Variants in NHSL1 observed in about 807,000 individuals in gnomAD.
The protein encoded by NHSL1 is NHS like 1, also known as NHS-like protein 1.
Under a neutral mutation model 95.0 loss-of-function variants are expected in NHSL1, and 48 were observed. That is an observed-to-expected ratio of 0.51 (90% confidence interval 0.40 to 0.64). NHSL1 has a LOEUF of 0.64. NHSL1 is among the 30% of genes least tolerant of loss of function. The pLI is 0.00. For synonymous variants in NHSL1, 783 were observed against 833.9 expected (o/e 0.94, Z 1.05); for missense variants, 1,971 against 2,077.7 (o/e 0.95, Z 1.00).
intron 1 of NHSL1, among the ~76,000 whole-genome samples, chr6:138,626,103 C>T (rs1784733813): frequency 6.6e-6 from 1 of 152,238 alleles, no homozygotes; most frequent in African/African-American, 2.4e-5. Flanking sequence ...AGGCAGAAGG[C>T]TGTCTCTGGA....
chr6:138,609,468 C>T (rs946188577), intron 1 of NHSL1, among the ~76,000 whole-genome samples: 8 of 152,028 alleles, frequency 5.3e-5, no homozygotes, highest in Middle Eastern at 6.8e-3. Context: ...TAGTGCTATC[C>T]GGCCGGGCGC....
At chr6:138,473,209 A>C in intron 3 of NHSL1, 97 bp downstream of exon 3, 1 of 1,095,542 alleles carries the variant, frequency 9.1e-7, no homozygotes. Context: ...ATTGATTAAA[A>C]TACAGGCTCA....
intron 5 of NHSL1, among the ~76,000 whole-genome samples, chr6:138,441,508 T>C (rs558900338): frequency 6.6e-6 from 1 of 152,384 alleles, no homozygotes; most frequent in East Asian, 1.9e-4. Flanking sequence ...GACTATTTTC[T>C]ATCTTATTGA....
intron 1 of NHSL1, among the ~76,000 whole-genome samples, chr6:138,523,083 G>T (rs1282459109): frequency 6.8e-6 from 1 of 147,630 alleles, no homozygotes; most frequent in African/African-American, 2.5e-5. Context: ...TCAACTAACT[G>T]GCTTGGTGCA....
intron 1 of NHSL1, among the ~76,000 whole-genome samples, chr6:138,516,636 C>A (rs1310074673): frequency 6.6e-6 from 1 of 151,846 alleles, no homozygotes; most frequent in African/African-American, 2.4e-5. Context: ...ATAGGCAATT[C>A]GTGTTTTTGT....
chr6:138,472,015 C>T (rs923324418), intron 3 of NHSL1, among the ~76,000 whole-genome samples: 4 of 152,030 alleles, frequency 2.6e-5, no homozygotes, highest in Non-Finnish European at 5.9e-5. Flanking sequence ...AACCCCGTAT[C>T]TACTGAAAAT....
chr6:138,447,286 G>A (rs1317622871), intron 3 of NHSL1, 93 bp from the exon 4 acceptor site: 5 of 1,109,230 alleles, frequency 4.5e-6, no homozygotes, highest in Middle Eastern at 3.0e-4. Context: ...AATTGGACTG[G>A]TTTAAAAGAA....
intron 5 of NHSL1, among the ~76,000 whole-genome samples, chr6:138,439,580 A>G (rs1297809777): frequency 6.6e-6 from 1 of 152,238 alleles, no homozygotes; most frequent in Non-Finnish European, 1.5e-5. Flanking sequence ...ACTGTATACA[A>G]ATGTTAACTC....
chr6:138,505,522 G>A (rs1369044977), intron 1 of NHSL1, among the ~76,000 whole-genome samples: 1 of 152,010 alleles, frequency 6.6e-6, no homozygotes, highest in East Asian at 1.9e-4. Flanking sequence ...AGGTGTGGTG[G>A]CACGTGCCTG....
At position 138,526,176 on chromosome 6, in the gene NHSL1, A is replaced by T. The variant is rs576583766; in HGVS notation, c.16+19447T>A. Among the ~76,000 whole-genome samples, 245 of 151,940 alleles carry T rather than the reference A, an allele frequency of 1.6e-3. 1 individual carries two copies. Among genetic ancestry groups the T allele is most frequent in the African/African-American group, 5.7e-3 (235 of 41,422 alleles). ...AAACATGCCCTTGAGTTCCCAGATCATAATGTCAAAACATTCTATTTTGTA... is the reference window on the plus strand; with the variant it reads ...AAACATGCCCTTGAGTTCCCAGATCTTAATGTCAAAACATTCTATTTTGTA... On this transcript the variant is annotated intron_variant, in intron 1 of 4. Coordinates refer to the NHSL1 transcript ENST00000342260.
rs1583298940 is a variant in NHSL1 at position 138,493,953 on chromosome 6, T to C, written c.211+2266A>G. On this transcript the variant is annotated intron_variant, in intron 2 of 7. Coordinates refer to ENST00000343505, the MANE Select transcript of NHSL1 (RefSeq NM_001144060.2). ...AAAGACAGAGGTTACTCAGGCTAAA[T>C]AAAAAGGGAAACCAACAATGCCCTC... 2.0e-5 allele frequency among the ~76,000 whole-genome samples: 3 copies of C among 152,226 alleles called. No homozygotes were observed. The East Asian group carries it at 5.8e-4, about 29-fold the overall frequency.
Position 138,423,249 on chromosome 6 carries a change from C to G in NHSL1, c.*832G>C, listed in dbSNP as rs1440620254. ...TCACTTACTCCTTTCCAACCCTTCCCCTCTCTCTATGTCCACACCATCACT... is the reference window on the plus strand; with the variant it reads ...TCACTTACTCCTTTCCAACCCTTCCGCTCTCTCTATGTCCACACCATCACT... On this transcript the variant is annotated 3_prime_UTR_variant, in exon 8 of 8. Coordinates refer to ENST00000343505, the MANE Select transcript of NHSL1 (RefSeq NM_001144060.2). 6.6e-6 allele frequency: 1 copy of G among 152,132 alleles called. No homozygotes were observed. The highest frequency in any genetic ancestry group is 2.4e-5 in the African/African-American group (1 of 41,410). The allele number at this position is 152,132 out of a possible 1,614,324, so 9.4% of individuals were successfully genotyped here. A position where few individuals can be genotyped will look rare whatever the true frequency, so the allele number is the denominator to read the frequency against.
chr6:138,606,735 C>T lies in NHSL1; in HGVS notation c.96+85741G>A, dbSNP rs1784439313. ...TTTTTTTTTTTGAGACAGAATCTCA[C>T]TCTGTTGCCCAGGCTGGAGTGCAGT... On this transcript the variant is annotated intron_variant, in intron 1 of 3. Transcript: ENST00000491526. Among the ~76,000 whole-genome samples the T allele has an allele frequency of 4.9e-5, 7 of 142,834 alleles. No homozygotes were observed. The South Asian group carries it at 1.6e-3, about 32-fold the overall frequency. The allele number at this position is 142,834 out of a possible 152,430, so 93.7% of individuals were successfully genotyped here.
rs191709869 is a variant in NHSL1, at chr6:138,425,232, C to T, written c.4086-416G>A. Among the ~76,000 whole-genome samples, 695 of 152,258 alleles carry T rather than the reference C, an allele frequency of 4.6e-3. 6 individuals carry two copies. The highest frequency in any genetic ancestry group is 0.02 in the Admixed American group (301 of 15,300). ...TCAGCCTCCCAAGTAGCTGGGATTACAGGCACCTGCCACCATGCCCAGCCC... is the reference window on the plus strand; with the variant it reads ...TCAGCCTCCCAAGTAGCTGGGATTATAGGCACCTGCCACCATGCCCAGCCC... On this transcript the variant is annotated intron_variant, in intron 7 of 7. Transcript: ENST00000343505.
At chr6:138,613,016 G>A (rs533338470) in intron 1 of NHSL1, among the ~76,000 whole-genome samples, 16 of 152,280 alleles carry the variant, frequency 1.1e-4, no homozygotes, top group African/African-American at 3.9e-4. Flanking sequence ...GCTAATGGAA[G>A]TAGAAAAAGA....
chr6:138,434,348 A>G lies in NHSL1; in HGVS notation c.665-668T>C, dbSNP rs574585902. Among the ~76,000 whole-genome samples the G allele has an allele frequency of 4.6e-5, 7 of 152,142 alleles. No homozygotes were observed. The South Asian group carries it at 1.5e-3, about 32-fold the overall frequency. ...ACTGGCAGGAACTGATCCAGTGAAC[A>G]TTTCCTCAAATTAGGATGATTTATT... On this transcript the variant is annotated intron_variant, in intron 5 of 7. Coordinates refer to ENST00000343505, the MANE Select transcript of NHSL1 (RefSeq NM_001144060.2).
intron 1 of NHSL1, among the ~76,000 whole-genome samples, chr6:138,556,011 C>T (rs973036317): frequency 2.6e-5 from 4 of 151,994 alleles, no homozygotes; most frequent in Admixed American, 6.6e-5. Flanking sequence ...AGCCCTGACA[C>T]GTTAGTTAGC....
At chr6:138,444,198 T>G (rs934577920) in intron 4 of NHSL1, among the ~76,000 whole-genome samples, 2 of 151,992 alleles carry the variant, frequency 1.3e-5, no homozygotes. Context: ...AACTTGAAAG[T>G]CTGTGGGCAT....
intron 1 of NHSL1, among the ~76,000 whole-genome samples, chr6:138,660,408 A>C (rs2114731369): frequency 6.6e-6 from 1 of 152,206 alleles, no homozygotes; most frequent in Non-Finnish European, 1.5e-5. Flanking sequence ...TAATAAAAGT[A>C]CTCCACCCTT....
Sources: gnomAD v4.1 joint callset for allele counts (sites outside exome capture counted in the v4.1 genomes callset) on GRCh38, gnomAD v4.1.1 for gene constraint, MANE v1.5 for transcripts, NCBI Gene and HGNC (gene_info 2026-07-23, HGNC 2026-07-21) for gene names.